EYS: variants seen among roughly 807,000 people sequenced by gnomAD.
EYS encodes EGF-like photoreceptor maintenance factor, also known as protein eyes shut homolog.
EYS carries 250 observed loss-of-function variants against 282.1 expected under a neutral mutation model. The observed-to-expected ratio is 0.89, with a 90% CI of 0.80 to 0.98. EYS has a LOEUF of 0.98. Among genes scored for constraint, EYS ranks in the 50% least tolerant of loss-of-function variants. The pLI is 0.00. For synonymous variants in EYS, 1,355 were observed against 1,282.9 expected (o/e 1.06, Z -1.20); for missense variants, 4,016 against 3,709.0 (o/e 1.08, Z -2.15).
chr6:64,436,291 C>CA (rs1774745319), intron 27 of EYS, 26 bp from the exon 28 acceptor site: 1 of 1,346,218 alleles, frequency 7.4e-7, no homozygotes, highest in East Asian at 2.5e-5. Context: ...ATTTTGTCCT[C>CA]AAACAGTTTT....
At chr6:63,861,124 C>G (rs887075709) in intron 36 of EYS, among the ~76,000 whole-genome samples, 2 of 152,154 alleles carry the variant, frequency 1.3e-5, no homozygotes, top group African/African-American at 4.8e-5. Flanking sequence ...TCTTTTTCTT[C>G]ATTTGTACAA....
intron 2 of EYS, among the ~76,000 whole-genome samples, chr6:65,587,686 G>C (rs1156633012): frequency 4.0e-5 from 6 of 150,426 alleles, no homozygotes; most frequent in Non-Finnish European, 8.8e-5. Context: ...CCTTTCTATT[G>C]GGACAACAGT....
chr6:64,708,673 T>A (rs1278241245), intron 22 of EYS, among the ~76,000 whole-genome samples: 3 of 152,256 alleles, frequency 2.0e-5, no homozygotes, highest in Non-Finnish European at 2.9e-5. Context: ...TGCTAGTATA[T>A]CTCCTATAAA....
chr6:65,014,092 G>A (rs991702400), intron 13 of EYS, among the ~76,000 whole-genome samples: 1 of 152,152 alleles, frequency 6.6e-6, no homozygotes, highest in African/African-American at 2.4e-5. Flanking sequence ...TGAAAGCTGT[G>A]TTTTATAAAG....
chr6:64,020,135 A>G (rs1769117575), intron 33 of EYS, among the ~76,000 whole-genome samples: 1 of 152,086 alleles, frequency 6.6e-6, no homozygotes, highest in African/African-American at 2.4e-5. Context: ...AGAAGGAATG[A>G]ATTCTTGTTT....
In EYS at chr6:64,546,103, G is replaced by A. The variant is rs567059050; in HGVS notation, c.5644+44120C>T. Among the ~76,000 whole-genome samples the A allele has an allele frequency of 2.0e-4, 31 of 151,926 alleles. No homozygotes were observed. The East Asian group carries it at 4.8e-3, about 24-fold the overall frequency. ...AAAAGAACAAAGCTGGAGGCATCACGCTACCTGACTTCAAACTATACTACA... is the reference window on the plus strand; with the variant it reads ...AAAAGAACAAAGCTGGAGGCATCACACTACCTGACTTCAAACTATACTACA... On this transcript the variant is annotated intron_variant, in intron 26 of 42. Coordinates refer to ENST00000503581, the MANE Select transcript of EYS (RefSeq NM_001142800.2).
chr6:64,714,777 C>G, intron 22 of EYS, among the ~76,000 whole-genome samples: 1 of 152,052 alleles, frequency 6.6e-6, no homozygotes, highest in Admixed American at 6.5e-5. Context: ...CCGCCTGCCT[C>G]GGCCTCCCAA....
chr6:65,124,126 T>C (rs1775649023), intron 12 of EYS, among the ~76,000 whole-genome samples: 1 of 152,036 alleles, frequency 6.6e-6, no homozygotes, highest in African/African-American at 2.4e-5. Context: ...TCAGCCTAGA[T>C]TGTACCACTG....
intron 10 of EYS, among the ~76,000 whole-genome samples, chr6:65,339,333 G>A (rs1383612770): frequency 6.6e-6 from 1 of 151,160 alleles, no homozygotes; most frequent in African/African-American, 2.4e-5. Context: ...AATGACAGCA[G>A]TCCTCCCTTA....
chr6:64,558,808 T>C (rs1765313027), intron 26 of EYS, among the ~76,000 whole-genome samples: 1 of 152,314 alleles, frequency 6.6e-6, no homozygotes, highest in Middle Eastern at 3.4e-3. Context: ...TTGTTTTCTG[T>C]AGAATTCAGT....
Position 64,975,592 on chromosome 6 carries a change from A to G in EYS, c.2259+21990T>C, listed in dbSNP as rs1770449855. ...AAGCCCTGAAGACTCATTATTAACA[A>G]GTGACCATTTGTTTCAAATATTGTT... On this transcript the variant is annotated intron_variant, in intron 14 of 42. Transcript: ENST00000503581. Among the ~76,000 whole-genome samples, 4 of 151,908 alleles carry G rather than the reference A, an allele frequency of 2.6e-5. No individual in the cohort carries two copies. In the South Asian group the frequency reaches 8.3e-4, roughly 31 times the overall value.
intron 36 of EYS, among the ~76,000 whole-genome samples, chr6:63,818,707 C>G (rs1445838874): frequency 1.3e-5 from 2 of 152,236 alleles, no homozygotes; most frequent in African/African-American, 4.8e-5. Flanking sequence ...TGCCCTGGGA[C>G]AGGCACCAGA....
chr6:64,423,367 A>C (rs1346171497), intron 28 of EYS, among the ~76,000 whole-genome samples: 5 of 152,238 alleles, frequency 3.3e-5, no homozygotes, highest in Non-Finnish European at 4.4e-5. Context: ...GTCCATTTCA[A>C]ATTCAGCCAG....
chr6:63,961,816 G>A (rs1216170499), intron 35 of EYS, among the ~76,000 whole-genome samples: 1 of 152,046 alleles, frequency 6.6e-6, no homozygotes, highest in Non-Finnish European at 1.5e-5. Flanking sequence ...TATAAATTTT[G>A]ATGGTACACC....
intron 28 of EYS, among the ~76,000 whole-genome samples, chr6:64,422,398 C>A (rs919054985): frequency 6.6e-6 from 1 of 152,092 alleles, no homozygotes; most frequent in African/African-American, 2.4e-5. Flanking sequence ...GTATGTTCTA[C>A]TTTGTAGCAA....
intron 22 of EYS, among the ~76,000 whole-genome samples, chr6:64,740,298 T>G (rs1216751842): frequency 1.3e-5 from 2 of 152,198 alleles, no homozygotes; most frequent in African/African-American, 4.8e-5. Context: ...AAAAAAAATA[T>G]GAGAATGAAT....
At chr6:65,429,751 T>C (rs1458338883) in intron 5 of EYS, among the ~76,000 whole-genome samples, 1 of 152,090 alleles carries the variant, frequency 6.6e-6, no homozygotes, top group East Asian at 1.9e-4. Flanking sequence ...TTATTTATGA[T>C]GAGTTTCCAA....
At chr6:63,974,297 C>T (rs1397938460) in intron 35 of EYS, among the ~76,000 whole-genome samples, 2 of 151,822 alleles carry the variant, frequency 1.3e-5, no homozygotes, top group African/African-American at 4.8e-5. Flanking sequence ...AATAAACAGG[C>T]TTTAACACAT....
At chr6:65,676,858 A>G (rs1469200131) in intron 1 of EYS, among the ~76,000 whole-genome samples, 1 of 151,790 alleles carries the variant, frequency 6.6e-6, no homozygotes, top group East Asian at 1.9e-4. Flanking sequence ...ATATACCATG[A>G]CCAAGTGGGA....
Sources: allele counts gnomAD v4.1 joint callset (sites outside exome capture counted in the v4.1 genomes callset), GRCh38; gene constraint gnomAD v4.1.1; transcripts MANE v1.5; gene names NCBI Gene and HGNC (gene_info 2026-07-23, HGNC 2026-07-21).